Variants in ADCY8 observed in about 807,000 individuals in gnomAD.
ADCY8 encodes adenylate cyclase 8, also known as adenylate cyclase type 8.
In ADCY8, 51 loss-of-function variants were observed where a neutral mutation model predicts 119.7. That is an observed-to-expected ratio of 0.43 (90% confidence interval 0.34 to 0.54). The LOEUF (loss-of-function observed/expected upper bound fraction) is 0.54. Ranked by LOEUF, ADCY8 falls within the 20% of genes least tolerant of loss-of-function variation. The pLI is 0.03. For synonymous variants in ADCY8, 665 were observed against 651.0 expected, an observed-to-expected ratio of 1.02 and a Z score of -0.33; for missense variants, 1,383 against 1,598.8, an observed-to-expected ratio of 0.87 and a Z score of 2.30.
intron 14 of ADCY8, among the ~76,000 whole-genome samples, chr8:130,812,578 A>G (rs766180070): frequency 1.3e-5 from 2 of 152,246 alleles, no homozygotes; most frequent in Non-Finnish European, 2.9e-5. Context: ...GCCACAGCCA[A>G]GAAACTCCTG....
At chr8:130,846,892 C>CCT (rs1817343123) in intron 11 of ADCY8, among the ~76,000 whole-genome samples, 1 of 53,288 alleles carries the variant, frequency 1.9e-5, no homozygotes, top group Middle Eastern at 0.014. Flanking sequence ...CTTCCCTTTC[C>CCT]TTCCTTCCTT....
intron 1 of ADCY8, among the ~76,000 whole-genome samples, chr8:131,016,480 G>T (rs888538505): frequency 6.6e-6 from 1 of 152,088 alleles, no homozygotes; most frequent in Non-Finnish European, 1.5e-5. Context: ...CTCTAGCCTG[G>T]GTGATCAATC....
At chr8:130,948,761 G>T (rs1373636708) in intron 3 of ADCY8, among the ~76,000 whole-genome samples, 2 of 152,138 alleles carry the variant, frequency 1.3e-5, no homozygotes, top group Admixed American at 6.5e-5. Flanking sequence ...CCGCAGCGGG[G>T]TTGCTTTGGG....
At chr8:131,026,570 G>A (rs1398214183) in intron 1 of ADCY8, among the ~76,000 whole-genome samples, 1 of 152,150 alleles carries the variant, frequency 6.6e-6, no homozygotes, top group Non-Finnish European at 1.5e-5. Flanking sequence ...ATGATCTGCA[G>A]ACTGCAAGCA....
chr8:130,979,018 T>C (rs1822157913), intron 2 of ADCY8, among the ~76,000 whole-genome samples: 1 of 152,180 alleles, frequency 6.6e-6, no homozygotes, highest in Non-Finnish European at 1.5e-5. Context: ...TTAGGTCTAA[T>C]GCTGGTTGGG....
rs565736854 is a variant in ADCY8 at position 130,992,441 on chromosome 8, G to A, written c.961-1899C>T. On this transcript the variant is annotated intron_variant, in intron 1 of 17. Coordinates refer to ENST00000286355, the MANE Select transcript of ADCY8 (RefSeq NM_001115.3). Reference sequence around the variant, plus strand: ...TATATATATATATATTTGAGATAGGGTCTCACTCTGTCACCCAGGCAGGAG... The same window carrying A: ...TATATATATATATATTTGAGATAGGATCTCACTCTGTCACCCAGGCAGGAG... Among the ~76,000 whole-genome samples, 167 of 63,446 alleles carry A rather than the reference G, an allele frequency of 2.6e-3. 3 individuals are homozygous for A. The highest frequency in any genetic ancestry group is 9.4e-3 in the African/African-American group (162 of 17,196). The allele number at this position is 63,446 out of a possible 152,430, so 41.6% of individuals were successfully genotyped here.
At chr8:131,007,920 T>A (rs1224082321) in intron 1 of ADCY8, among the ~76,000 whole-genome samples, 1 of 152,136 alleles carries the variant, frequency 6.6e-6, no homozygotes, top group Non-Finnish European at 1.5e-5. Flanking sequence ...ACCTGTCACA[T>A]GAACAGCTGA....
At chr8:130,794,043 A>G (rs10101829) in intron 15 of ADCY8, among the ~76,000 whole-genome samples, 1,637 of 152,232 alleles carry the variant, frequency 0.011, 32 homozygotes, top group African/African-American at 0.037. Flanking sequence ...GCACAGAGAC[A>G]CACACAGGGA....
At chr8:130,993,189 A>G (rs1250296049) in intron 1 of ADCY8, among the ~76,000 whole-genome samples, 2 of 152,180 alleles carry the variant, frequency 1.3e-5, no homozygotes, top group African/African-American at 2.4e-5. Context: ...AATTTTTTGA[A>G]AAGGGCATTA....
At position 131,040,099 on chromosome 8, in the gene ADCY8, G is replaced by T. The variant is rs1382883770; in HGVS notation, c.235C>A (p.His79Asn). Residue 79 changes from histidine (H) to asparagine (N), a missense_variant, in exon 1 of 18, where the codon CAC (histidine) becomes AAC (asparagine). Physicochemically the swap from His to Asn is moderately conservative, Grantham distance 68. Around this residue, in one of 2 missense-constraint regions of ADCY8, gnomAD observed 455 missense variants for 435.3 expected, o/e 1.05. Transcript: ENST00000286355. Reference protein sequence around the residue: ...SDPAGGGPNHHAPQLSGDSAL... With the variant: ...SDPAGGGPNHNAPQLSGDSAL... ...GAGTCGCCTGACAGCTGCGGCGCGT[G>T]GTGGTTGGGGCCGCCGCCCGCAGGG... The T allele has an allele frequency of 2.0e-6, 3 of 1,528,482 alleles. No individual in the cohort carries two copies. The highest frequency in any genetic ancestry group is 2.6e-6 in the Non-Finnish European group (3 of 1,143,978). The allele number at this position is 1,528,482 out of a possible 1,614,324, so 94.7% of individuals were successfully genotyped here. A position where few individuals can be genotyped will look rare whatever the true frequency, so the allele number is the denominator to read the frequency against.
At chr8:130,784,672 AT>A (rs1421760558) in intron 16 of ADCY8, among the ~76,000 whole-genome samples, 1 of 152,246 alleles carries the variant, frequency 6.6e-6, no homozygotes, top group Non-Finnish European at 1.5e-5. Flanking sequence ...GGTGGGCCAG[AT>A]TTGACCTGTG....
At chr8:130,880,958 G>A (rs1818748829) in intron 8 of ADCY8, among the ~76,000 whole-genome samples, 1 of 152,180 alleles carries the variant, frequency 6.6e-6, no homozygotes, top group Non-Finnish European at 1.5e-5. Context: ...ACTAGAGAAG[G>A]AAAGATATGT....
intron 11 of ADCY8, among the ~76,000 whole-genome samples, chr8:130,845,173 T>C (rs1817258988): frequency 6.6e-6 from 1 of 152,152 alleles, no homozygotes; most frequent in Admixed American, 6.5e-5. Context: ...TGATCAAAAA[T>C]CTTACCCACC....
chr8:131,034,004 A>T (rs558472732), intron 1 of ADCY8, among the ~76,000 whole-genome samples: 1 of 152,112 alleles, frequency 6.6e-6, no homozygotes, highest in Non-Finnish European at 1.5e-5. Context: ...AATTTCCTAA[A>T]GAAAAATGTA....
At chr8:131,017,919 T>C (rs1295189737) in intron 1 of ADCY8, among the ~76,000 whole-genome samples, 2 of 152,278 alleles carry the variant, frequency 1.3e-5, no homozygotes, top group East Asian at 3.9e-4. Context: ...TGTTTCCTTA[T>C]CTGATAAGCA....
intron 2 of ADCY8, among the ~76,000 whole-genome samples, chr8:130,952,409 A>C (rs1821301755): frequency 6.6e-6 from 1 of 152,198 alleles, no homozygotes; most frequent in Non-Finnish European, 1.5e-5. Context: ...TGATATTTAA[A>C]ATTGAGACCT....
At chr8:130,868,019 G>A in intron 8 of ADCY8, 73 bp from the exon 9 acceptor site, 1 of 925,266 alleles carries the variant, frequency 1.1e-6, no homozygotes, top group Non-Finnish European at 1.6e-6. Flanking sequence ...GAAACATCAA[G>A]AAGAAACAAG....
Position 130,785,383 on chromosome 8 carries a change from C to T in ADCY8, c.3153G>A (p.Gln1051=). 6.2e-7 allele frequency: 1 copy of T among 1,604,844 alleles called. No individual in the cohort carries two copies. Among genetic ancestry groups the T allele is most frequent in the Non-Finnish European group, 8.5e-7 (1 of 1,175,282 alleles). The part of the protein sequence containing the change: ...MAVSGLSPEK[Q]QCEDKWGHLC... ...TGGCTGAGTCCAAAGAGTCCTTTAC[C>T]TGTTTTTCAGGTGACAGGCCTGACA... is the stretch of plus-strand genomic sequence containing the variant. Residue 1051 remains glutamine, a splice_region_variant and synonymous_variant, in exon 16 of 18, where the codon CAG becomes CAA. Transcript: ENST00000286355.
At chr8:130,872,227 T>C (rs1818392890) in intron 8 of ADCY8, among the ~76,000 whole-genome samples, 1 of 152,338 alleles carries the variant, frequency 6.6e-6, no homozygotes, top group Non-Finnish European at 1.5e-5. Context: ...AGTGCAAGGC[T>C]GGTGCTGTGA....
Sources: gnomAD v4.1 joint callset for allele counts (sites outside exome capture counted in the v4.1 genomes callset) on GRCh38, gnomAD v4.1.1 for gene constraint, gnomAD v4.1.1 regional missense constraint, MANE v1.5 for transcripts, NCBI Gene and HGNC (gene_info 2026-07-23, HGNC 2026-07-21) for gene names.